The following GRIK1 variants were observed in gnomAD, a reference collection of about 807,000 sequenced individuals.
The protein encoded by GRIK1 is glutamate receptor ionotropic, kainate 1.
A neutral mutation model predicts 105.7 loss-of-function variants in GRIK1; 69 were observed. The ratio of observed to expected loss-of-function variants is 0.65; its 90% CI spans 0.54 to 0.80. The LOEUF is 0.80. GRIK1 is among the 30% of genes least tolerant of loss of function. The probability of loss-of-function intolerance (pLI) is 0.00; values close to 1 mark genes in which losing one functional copy is unlikely to be tolerated. For synonymous variants in GRIK1, 438 were observed against 431.3 expected (o/e 1.02, Z -0.19); for missense variants, 1,109 against 1,167.3 (o/e 0.95, Z 0.73).
intron 1 of GRIK1, among the ~76,000 whole-genome samples, chr21:29,894,874 C>A (rs2070064492): frequency 1.3e-5 from 2 of 152,158 alleles, no homozygotes; most frequent in Non-Finnish European, 2.9e-5. Context: ...TTCCCCTTCT[C>A]CTGACAGATG....
intron 7 of GRIK1, among the ~76,000 whole-genome samples, chr21:29,620,783 A>T (rs1044304162): frequency 9.0e-6 from 1 of 111,010 alleles, no homozygotes; most frequent in East Asian, 2.7e-4. Context: ...ATATATATAG[A>T]TATATATATC....
intron 1 of GRIK1, among the ~76,000 whole-genome samples, chr21:29,734,794 C>A (rs2064746737): frequency 6.6e-6 from 1 of 152,136 alleles, no homozygotes; most frequent in Non-Finnish European, 1.5e-5. Context: ...CTCTAATGAC[C>A]TCTGCATTCT....
At chr21:29,694,736 C>G (rs528602683) in intron 1 of GRIK1, among the ~76,000 whole-genome samples, 1 of 152,296 alleles carries the variant, frequency 6.6e-6, no homozygotes, top group South Asian at 2.1e-4. Flanking sequence ...GAGCTGTATC[C>G]TTGTAGGACC....
In GRIK1 at chr21:29,581,660, C is replaced by A. The variant is rs143599712; in HGVS notation, c.1794-117G>T. ...AACAATTAATCACAAAAGCTTCAAA[C>A]CAAAAGAGTAAAGGCCATAGTCATA... is the stretch of plus-strand genomic sequence containing the variant. On this transcript the variant is annotated intron_variant, in intron 12 of 17. Coordinates refer to ENST00000327783, the MANE Select transcript of GRIK1 (RefSeq NM_001330994.2). 1.4e-3 allele frequency: 870 copies of A among 642,540 alleles called. 4 individuals are homozygous for A. In the African/African-American group the frequency reaches 0.014, roughly 10 times the overall value. 39.8% of individuals were successfully genotyped at this position (642,540 alleles called of 1,614,324 possible). A position where few individuals can be genotyped will look rare whatever the true frequency, so the allele number is the denominator to read the frequency against.
intron 12 of GRIK1, chr21:29,582,297 T>G (rs1013201599): frequency 2.1e-6 from 1 of 467,384 alleles, no homozygotes; most frequent in East Asian, 7.0e-5. Flanking sequence ...TGATTTGTTT[T>G]AAATTTGTTT....
At chr21:29,882,639 C>G (rs2069462579) in intron 1 of GRIK1, among the ~76,000 whole-genome samples, 1 of 152,050 alleles carries the variant, frequency 6.6e-6, no homozygotes, top group Non-Finnish European at 1.5e-5. Context: ...AGGGAAAAAG[C>G]TTATCAAATT....
At chr21:29,550,107 CAAAAAAAAA>C (rs34939329) in intron 16 of GRIK1, among the ~76,000 whole-genome samples, 8 of 53,476 alleles carry the variant, frequency 1.5e-4, no homozygotes, top group Non-Finnish European at 2.6e-4. Flanking sequence ...GACTCCATCT[CAAAAAAAAA>C]AAAAAAAAAA....
chr21:29,773,048 A>T (rs2065852740), intron 1 of GRIK1, among the ~76,000 whole-genome samples: 1 of 152,176 alleles, frequency 6.6e-6, no homozygotes, highest in Non-Finnish European at 1.5e-5. Flanking sequence ...GGAGGCTGAT[A>T]AGGAGTCCAT....
At chr21:29,696,520 G>A (rs1055546947) in intron 1 of GRIK1, among the ~76,000 whole-genome samples, 2 of 152,254 alleles carry the variant, frequency 1.3e-5, no homozygotes, top group Admixed American at 6.5e-5. Context: ...GTGACAAGAT[G>A]ATGCAAAAGA....
At chr21:29,597,005 A>G (rs2061428326) in intron 8 of GRIK1, among the ~76,000 whole-genome samples, 1 of 152,146 alleles carries the variant, frequency 6.6e-6, no homozygotes, top group East Asian at 1.9e-4. Flanking sequence ...CATATAAAGA[A>G]GAAGTATGCT....
intron 1 of GRIK1, among the ~76,000 whole-genome samples, chr21:29,751,281 A>C (rs1440133491): frequency 6.6e-6 from 1 of 152,214 alleles, no homozygotes; most frequent in Admixed American, 6.5e-5. Flanking sequence ...ACCTAATAAG[A>C]TATATCAAAT....
In GRIK1 at chr21:29,693,885, A is replaced by G; in HGVS notation, c.286+11T>C. ...ACCCAAAGAAGCTTTTAAAAGTGGGAAAATAGTTACCTCTCCGCGAGGCTT... is the reference window on the plus strand; with the variant it reads ...ACCCAAAGAAGCTTTTAAAAGTGGGGAAATAGTTACCTCTCCGCGAGGCTT... On this transcript the variant is annotated intron_variant, in intron 2 of 17. Transcript: ENST00000327783. 6.2e-7 allele frequency: 1 copy of G among 1,602,230 alleles called. No homozygotes were observed. The highest frequency in any genetic ancestry group is 8.5e-7 in the Non-Finnish European group (1 of 1,171,064).
intron 9 of GRIK1, 139 bp from the exon 10 acceptor site, chr21:29,591,364 CGTG>C (rs2061331771): frequency 1.8e-5 from 12 of 675,910 alleles, no homozygotes; most frequent in Middle Eastern, 6.1e-4. Context: ...AGCTACTAAA[CGTG>C]GGGAAATGAA....
intron 1 of GRIK1, among the ~76,000 whole-genome samples, chr21:29,832,012 C>T (rs2067656593): frequency 6.6e-6 from 1 of 152,166 alleles, no homozygotes; most frequent in African/African-American, 2.4e-5. Context: ...ACACACATTC[C>T]AAATGTGAGA....
In GRIK1 at chr21:29,596,582, G is replaced by T. The variant is rs1433481028; in HGVS notation, c.1207-12C>A. 1.3e-6 allele frequency: 2 copies of T among 1,599,044 alleles called. No individual in the cohort carries two copies. The highest frequency in any genetic ancestry group is 2.7e-5 in the African/African-American group (2 of 74,610). ...ACTTCGCCAGCAGCCTTGGTTTTCA[G>T]AGAGAAAAATAAAATAAAAACAGCA... On this transcript the variant is annotated splice_polypyrimidine_tract_variant and intron_variant, in intron 8 of 17. Transcript: ENST00000327783.
At chr21:29,866,248 G>A (rs2068797872) in intron 1 of GRIK1, among the ~76,000 whole-genome samples, 1 of 151,942 alleles carries the variant, frequency 6.6e-6, no homozygotes, top group African/African-American at 2.4e-5. Context: ...ACCAAGCCCA[G>A]CTAACTTTTG....
At chr21:29,634,983 G>A (rs907483770) in intron 7 of GRIK1, among the ~76,000 whole-genome samples, 4 of 152,162 alleles carry the variant, frequency 2.6e-5, no homozygotes, top group Non-Finnish European at 4.4e-5. Flanking sequence ...GTTACAAAAG[G>A]GCTGAGATTA....
chr21:29,568,359 C>T (rs1051560214), intron 14 of GRIK1, among the ~76,000 whole-genome samples: 2 of 152,204 alleles, frequency 1.3e-5, no homozygotes, highest in Admixed American at 1.3e-4. Context: ...TGTCTCCCTA[C>T]AATGGCTCAT....
intron 1 of GRIK1, among the ~76,000 whole-genome samples, chr21:29,880,431 C>A (rs1345659343): frequency 6.6e-6 from 1 of 152,120 alleles, no homozygotes. Flanking sequence ...TTATTACATT[C>A]ATCCTCTCTC....
Sources: allele counts gnomAD v4.1 joint callset (sites outside exome capture counted in the v4.1 genomes callset), GRCh38; gene constraint gnomAD v4.1.1; transcripts MANE v1.5; gene names NCBI Gene and HGNC (gene_info 2026-07-23, HGNC 2026-07-21).